The following PDE4D variants were observed in gnomAD, a reference collection of about 807,000 sequenced individuals.
PDE4D encodes the protein phosphodiesterase 4D, also known as 3',5'-cyclic-AMP phosphodiesterase 4D.
In PDE4D, 24 loss-of-function variants were observed where a neutral mutation model predicts 87.4. The observed-to-expected ratio is 0.27, with a 90% CI of 0.20 to 0.39. The LOEUF is 0.39. PDE4D is among the 10% of genes least tolerant of loss of function. PDE4D has a pLI of 1.00. For synonymous variants in PDE4D, 384 were observed against 383.2 expected, an observed-to-expected ratio of 1.00 and a Z score of -0.02; for missense variants, 714 against 1,041.0, an observed-to-expected ratio of 0.69 and a Z score of 4.32.
intron 1 of PDE4D, among the ~76,000 whole-genome samples, chr5:59,691,287 A>G (rs1750871844): frequency 6.6e-6 from 1 of 152,178 alleles, no homozygotes; most frequent in African/African-American, 2.4e-5. Flanking sequence ...TTATTGCAGC[A>G]CTATTCACAA....
Position 59,951,858 on chromosome 5 carries a change from C to T in PDE4D, c.272+36630G>A, listed in dbSNP as rs1033624710. 2.6e-5 allele frequency among the ~76,000 whole-genome samples: 4 copies of T among 152,168 alleles called. No individual in the cohort carries two copies. The East Asian group carries it at 7.7e-4, about 29-fold the overall frequency. On this transcript the variant is annotated intron_variant, in intron 3 of 16. Transcript: ENST00000502484. Reference sequence around the variant, plus strand: ...AAACAATTTTACCTCACATTCCACACAGCAAAGCTCCATAAATATCCCCGT... The same window carrying T: ...AAACAATTTTACCTCACATTCCACATAGCAAAGCTCCATAAATATCCCCGT...
intron 1 of PDE4D, among the ~76,000 whole-genome samples, chr5:60,257,153 G>C (rs1000319504): frequency 6.0e-5 from 9 of 149,880 alleles, no homozygotes; most frequent in Non-Finnish European, 1.0e-4. Flanking sequence ...ACTTCTGCAT[G>C]TAATAAGAAG....
chr5:60,166,657 T>C (rs1033013034), intron 2 of PDE4D, among the ~76,000 whole-genome samples: 3 of 152,266 alleles, frequency 2.0e-5, no homozygotes, highest in Admixed American at 6.5e-5. Flanking sequence ...TGTTTTGTGT[T>C]ACTAGCATTA....
chr5:59,024,853 C>A (rs1222312941), intron 6 of PDE4D, among the ~76,000 whole-genome samples: 1 of 151,940 alleles, frequency 6.6e-6, no homozygotes, highest in African/African-American at 2.4e-5. Flanking sequence ...AAAATATATA[C>A]CAAGGATAAT....
intron 1 of PDE4D, among the ~76,000 whole-genome samples, chr5:60,230,378 A>T (rs1745655590): frequency 6.6e-6 from 1 of 152,106 alleles, no homozygotes. Flanking sequence ...GAACACTGCT[A>T]CCTAGACAAA....
At position 60,371,576 on chromosome 5, in the gene PDE4D, A is replaced by G. The variant is rs186000915; in HGVS notation, c.-90+116366T>C. ...TATGCACAGAAAGTACACAAATCAT[A>G]AAGGCAGTGGATTTTCACAAAGTGA... On this transcript the variant is annotated intron_variant, in intron 1 of 16. Transcript: ENST00000502484. 5.3e-5 allele frequency among the ~76,000 whole-genome samples: 8 copies of G among 152,320 alleles called. No individual in the cohort carries two copies. The East Asian group carries it at 1.2e-3, about 22-fold the overall frequency.
intron 5 of PDE4D, among the ~76,000 whole-genome samples, chr5:59,088,790 G>C (rs1203735065): frequency 6.6e-6 from 1 of 152,172 alleles, no homozygotes; most frequent in Non-Finnish European, 1.5e-5. Flanking sequence ...CTATCAGAGG[G>C]TGGAGGGTGG....
At chr5:59,523,819 T>C (rs547405067) in intron 1 of PDE4D, among the ~76,000 whole-genome samples, 4 of 152,198 alleles carry the variant, frequency 2.6e-5, no homozygotes, top group Non-Finnish European at 5.9e-5. Context: ...CCCATGCTGT[T>C]CTAATAATAG....
rs72767746 is a variant in PDE4D at position 59,373,277 on chromosome 5, A to G, written c.456-157309T>C. 2.5e-3 allele frequency among the ~76,000 whole-genome samples: 385 copies of G among 152,362 alleles called. 2 individuals are homozygous for G. The highest frequency in any genetic ancestry group is 4.3e-3 in the Non-Finnish European group (290 of 68,036). ...GAAACCCAACGGAAGGAAGCTAAAA[A>G]TCATGATAAAACAATGCAGGAACTG... On this transcript the variant is annotated intron_variant, in intron 1 of 14. Transcript: ENST00000340635.
chr5:60,286,445 A>G (rs904445004), intron 1 of PDE4D, among the ~76,000 whole-genome samples: 2 of 152,218 alleles, frequency 1.3e-5, no homozygotes, highest in African/African-American at 4.8e-5. Context: ...TTGTTTACAT[A>G]GAATAAAACA....
At chr5:59,861,337 T>A (rs905671761) in intron 1 of PDE4D, among the ~76,000 whole-genome samples, 3 of 152,214 alleles carry the variant, frequency 2.0e-5, no homozygotes, top group Non-Finnish European at 4.4e-5. Flanking sequence ...CTAATTTATT[T>A]TCAGCAAAGC....
chr5:59,568,214 A>G (rs1472448070), intron 1 of PDE4D, among the ~76,000 whole-genome samples: 1 of 152,200 alleles, frequency 6.6e-6, no homozygotes, highest in Non-Finnish European at 1.5e-5. Context: ...GGATGTATCA[A>G]AGGGACACAA....
intron 1 of PDE4D, among the ~76,000 whole-genome samples, chr5:59,825,312 G>A (rs950769610): frequency 3.3e-5 from 5 of 152,174 alleles, no homozygotes; most frequent in Admixed American, 1.3e-4. Context: ...CCAGGCCTAC[G>A]CTGAAGAACC....
At chr5:59,985,445 A>C (rs1291858178) in intron 3 of PDE4D, among the ~76,000 whole-genome samples, 3 of 151,936 alleles carry the variant, frequency 2.0e-5, no homozygotes, top group Non-Finnish European at 4.4e-5. Context: ...CTGGCCCCGC[A>C]CTTTACCTTC....
At chr5:60,432,212 T>C (rs1744397326) in intron 1 of PDE4D, among the ~76,000 whole-genome samples, 2 of 152,196 alleles carry the variant, frequency 1.3e-5, no homozygotes, top group Admixed American at 1.3e-4. Flanking sequence ...TGGTCTGAAG[T>C]TTTTACGTTG....
chr5:59,964,130 C>T (rs1241414181), intron 3 of PDE4D, among the ~76,000 whole-genome samples: 1 of 152,104 alleles, frequency 6.6e-6, no homozygotes, highest in African/African-American at 2.4e-5. Flanking sequence ...AGAGGAAAGG[C>T]CAATGTAATG....
intron 1 of PDE4D, among the ~76,000 whole-genome samples, chr5:60,282,127 G>C (rs1751970721): frequency 6.6e-6 from 1 of 150,578 alleles, no homozygotes; most frequent in Admixed American, 6.6e-5. Flanking sequence ...CATTCCTAGT[G>C]TACAGAATCT....
chr5:59,186,080 T>C (rs774790688), intron 3 of PDE4D, among the ~76,000 whole-genome samples: 45 of 152,276 alleles, frequency 3.0e-4, no homozygotes, highest in Middle Eastern at 6.8e-3. Flanking sequence ...CTCTTTCTCC[T>C]GAAATGGGCA....
chr5:59,278,184 A>T (rs183911778), intron 1 of PDE4D, among the ~76,000 whole-genome samples: 1 of 152,250 alleles, frequency 6.6e-6, no homozygotes, highest in East Asian at 1.9e-4. Flanking sequence ...CACTTGTAAG[A>T]CCATTTCTCA....
Sources: gnomAD v4.1 joint callset for allele counts (sites outside exome capture counted in the v4.1 genomes callset) on GRCh38, gnomAD v4.1.1 for gene constraint, MANE v1.5 for transcripts, NCBI Gene and HGNC (gene_info 2026-07-23, HGNC 2026-07-21) for gene names.